Variants in ZSCAN5A observed in about 807,000 individuals in gnomAD.
ZSCAN5A encodes the protein zinc finger and SCAN domain-containing protein 5A.
Under a neutral mutation model 23.7 loss-of-function variants are expected in ZSCAN5A, and 12 were observed. The observed-to-expected ratio is 0.51, with a 90% CI of 0.32 to 0.82. The LOEUF (loss-of-function observed/expected upper bound fraction) is 0.82. Among genes scored for constraint, ZSCAN5A ranks in the 40% least tolerant of loss-of-function variants. The pLI, the probability that ZSCAN5A is intolerant of heterozygous loss-of-function variation, is 0.03. For synonymous variants in ZSCAN5A, 257 were observed against 239.9 expected (o/e 1.07, Z -0.66); for missense variants, 597 against 617.9 (o/e 0.97, Z 0.36).
At chr19:56,288,823 T>C (rs1319350218) in intron 2 of ZSCAN5A, among the ~76,000 whole-genome samples, 1 of 152,210 alleles carries the variant, frequency 6.6e-6, no homozygotes, top group Non-Finnish European at 1.5e-5. Flanking sequence ...GATTTCTCTC[T>C]CTACTCTGCC....
chr19:56,244,290 T>C, intron 2 of ZSCAN5A: 1 of 1,610,394 alleles, frequency 6.2e-7, no homozygotes, highest in African/African-American at 1.3e-5. Context: ...AAAGAGCAGA[T>C]CCTGGACATG....
chr19:56,315,297 G>A (rs764256811), upstream of ZSCAN5A: 3 of 152,254 alleles, frequency 2.0e-5, no homozygotes, highest in Non-Finnish European at 2.9e-5. Flanking sequence ...GTCTTCCCTG[G>A]TTCTGCGTCC....
At chr19:56,273,112 A>T (rs1005956699) in intron 2 of ZSCAN5A, among the ~76,000 whole-genome samples, 5 of 152,070 alleles carry the variant, frequency 3.3e-5, no homozygotes, top group Non-Finnish European at 7.4e-5. Context: ...GCCCTTGGAG[A>T]TACACTTGTG....
At chr19:56,302,712 TTCCC>T in intron 2 of ZSCAN5A, 1 of 236,880 alleles carries the variant, frequency 4.2e-6, no homozygotes, top group Non-Finnish European at 8.0e-6. Flanking sequence ...TCTTTCCTTC[TTCCC>T]TCCCTCCCAC....
chr19:56,307,600 T>A (rs1462760864), intron 2 of ZSCAN5A, among the ~76,000 whole-genome samples: 3 of 152,200 alleles, frequency 2.0e-5, no homozygotes, highest in Non-Finnish European at 4.4e-5. Flanking sequence ...TTGCAGTGTT[T>A]CCTTTTAATT....
At chr19:56,244,080 G>A (rs118128487) in intron 2 of ZSCAN5A, 23,539 of 1,258,728 alleles carry the variant, frequency 0.019, 341 homozygotes, top group Non-Finnish European at 0.024. Flanking sequence ...GGTCAGGGAG[G>A]ACCCTGCAAC....
At chr19:56,302,932 C>T (rs1249708721) in intron 2 of ZSCAN5A, 6 of 398,366 alleles carry the variant, frequency 1.5e-5, no homozygotes, top group Admixed American at 8.8e-5. Context: ...GTAAGGGAGG[C>T]AGACATCCAC....
At chr19:56,231,809 C>T (rs1285045803) in intron 2 of ZSCAN5A, among the ~76,000 whole-genome samples, 2 of 152,108 alleles carry the variant, frequency 1.3e-5, no homozygotes, top group East Asian at 1.9e-4. Context: ...CAAGTTCTGA[C>T]ATTTGTACAT....
At chr19:56,251,595 TC>T (rs2036348219) in intron 2 of ZSCAN5A, among the ~76,000 whole-genome samples, 1 of 152,194 alleles carries the variant, frequency 6.6e-6, no homozygotes, top group Non-Finnish European at 1.5e-5. Flanking sequence ...TCTTATTCTG[TC>T]ACTCAGGATG....
upstream of ZSCAN5A, among the ~76,000 whole-genome samples, chr19:56,318,227 C>A (rs145086825): frequency 9.3e-5 from 14 of 150,510 alleles, no homozygotes; most frequent in East Asian, 2.7e-3. Context: ...AAATACTTCA[C>A]CAGCTTTTTT....
At position 56,285,092 on chromosome 19, in the gene ZSCAN5A, G is replaced by C. The variant is rs192430415; in HGVS notation, c.-128+28191C>G. 43 of 825,752 alleles carry C rather than the reference G, an allele frequency of 5.2e-5. No individual in the cohort carries two copies. The East Asian group carries it at 1.9e-3, about 36-fold the overall frequency. 51.2% of individuals were successfully genotyped at this position (825,752 alleles called of 1,614,324 possible). On this transcript the variant is annotated intron_variant, in intron 2 of 5. Transcript: ENST00000683990. ...GTCCGCAAGGTAATGTAGACTTATT[G>C]AGTCATTTATGCTTTTAGGTAGAGT...
intron 2 of ZSCAN5A, among the ~76,000 whole-genome samples, chr19:56,264,553 G>T (rs1170801145): frequency 6.6e-6 from 1 of 152,232 alleles, no homozygotes; most frequent in Non-Finnish European, 1.5e-5. Flanking sequence ...ATGAGGAAGT[G>T]TTGGGAGACT....
intron 2 of ZSCAN5A, among the ~76,000 whole-genome samples, chr19:56,334,436 A>G (rs574244320): frequency 1.6e-4 from 25 of 152,208 alleles, no homozygotes; most frequent in Non-Finnish European, 1.9e-4. Flanking sequence ...ATGATGTATC[A>G]GTTACATTGA....
At chr19:56,250,992 T>C (rs1289807859) in intron 2 of ZSCAN5A, among the ~76,000 whole-genome samples, 1 of 151,938 alleles carries the variant, frequency 6.6e-6, no homozygotes, top group Non-Finnish European at 1.5e-5. Context: ...CTACTAAAAA[T>C]ACAAAAAATT....
rs563616659 is a variant in ZSCAN5A, at chr19:56,281,471, G to A, written c.-128+31812C>T. Among the ~76,000 whole-genome samples, 8 of 152,206 alleles carry A rather than the reference G, an allele frequency of 5.3e-5. No homozygotes were observed. In the South Asian group the frequency reaches 6.2e-4, roughly 12 times the overall value. On this transcript the variant is annotated intron_variant, in intron 2 of 5. Coordinates refer to ENST00000683990, the MANE Select transcript of ZSCAN5A (RefSeq NM_001322064.3). ...ACACTCGTGCCACTACAATGCTATC[G>A]CTGTATTGATCTTTGTCAAATTTAT...
At chr19:56,361,281 G>A (rs1378084428) in intron 2 of ZSCAN5A, among the ~76,000 whole-genome samples, 1 of 152,246 alleles carries the variant, frequency 6.6e-6, no homozygotes, top group African/African-American at 2.4e-5. Flanking sequence ...TTCAACCATT[G>A]TGAAAGACAG....
chr19:56,286,851 C>T (rs558823401), intron 2 of ZSCAN5A, among the ~76,000 whole-genome samples: 14 of 152,208 alleles, frequency 9.2e-5, no homozygotes, highest in Middle Eastern at 6.3e-3. Context: ...CCCGGCAGAG[C>T]GAATGCTAGT....
intron 2 of ZSCAN5A, among the ~76,000 whole-genome samples, chr19:56,278,124 GTGTT>G (rs1225251585): frequency 6.9e-6 from 1 of 145,178 alleles, no homozygotes; most frequent in African/African-American, 2.5e-5. Flanking sequence ...TTAGCTTTAT[GTGTT>G]TGTTTATTTT....
chr19:56,260,979 G>C (rs551051843), intron 2 of ZSCAN5A, among the ~76,000 whole-genome samples: 1 of 152,044 alleles, frequency 6.6e-6, no homozygotes, highest in Non-Finnish European at 1.5e-5. Context: ...AGGCCGAGGC[G>C]GGTGGATCAT....
Sources: allele counts gnomAD v4.1 joint callset (sites outside exome capture counted in the v4.1 genomes callset), GRCh38; gene constraint gnomAD v4.1.1; transcripts MANE v1.5; gene names NCBI Gene and HGNC (gene_info 2026-07-23, HGNC 2026-07-21).